The following NCAM1 variants were observed in gnomAD, a reference collection of about 807,000 sequenced individuals.
The protein encoded by NCAM1 is antigen recognized by monoclonal antibody 5.1H11.
NCAM1 carries 14 observed loss-of-function variants against 109.8 expected under a neutral mutation model. That is an observed-to-expected ratio of 0.13 (90% confidence interval 0.08 to 0.20). NCAM1 has a LOEUF of 0.20. Among genes scored for constraint, NCAM1 ranks in the 10% least tolerant of loss-of-function variants. The pLI, the probability that NCAM1 is intolerant of heterozygous loss-of-function variation, is 1.00. For missense variants in NCAM1, 774 were observed against 1,109.9 expected, an observed-to-expected ratio of 0.70 and a Z score of 4.30; for synonymous variants, 418 against 442.9, an observed-to-expected ratio of 0.94 and a Z score of 0.70.
At chr11:113,149,175 G>A (rs1381909351) in intron 1 of NCAM1, among the ~76,000 whole-genome samples, 2 of 152,116 alleles carry the variant, frequency 1.3e-5, no homozygotes, top group East Asian at 1.9e-4. Context: ...TGCTGGACCC[G>A]GGGTGGGGCC....
intron 1 of NCAM1, among the ~76,000 whole-genome samples, chr11:113,130,031 GCC>G (rs1229547374): frequency 2.6e-5 from 4 of 152,106 alleles, no homozygotes; most frequent in African/African-American, 9.7e-5. Flanking sequence ...GTGTCTAAGG[GCC>G]CCCTTTTTGG....
At chr11:113,202,940 C>T (rs1342318975) in intron 2 of NCAM1, among the ~76,000 whole-genome samples, 3 of 152,144 alleles carry the variant, frequency 2.0e-5, no homozygotes, top group African/African-American at 7.2e-5. Context: ...GACATATATC[C>T]TGGGTTTACC....
At chr11:112,964,155 GTT>G (rs59178181) in intron 1 of NCAM1, among the ~76,000 whole-genome samples, 1 of 107,466 alleles carries the variant, frequency 9.3e-6, no homozygotes, top group Non-Finnish European at 1.7e-5. Flanking sequence ...TTTTTTTTTT[GTT>G]TTTTTTTTGG....
intron 1 of NCAM1, among the ~76,000 whole-genome samples, chr11:112,980,648 T>C (rs1951129250): frequency 6.6e-6 from 1 of 151,766 alleles, no homozygotes; most frequent in African/African-American, 2.4e-5. Context: ...AGGGTACAGG[T>C]GGTTTTTTGT....
At chr11:113,139,499 G>T (rs542829549) in intron 1 of NCAM1, among the ~76,000 whole-genome samples, 1 of 151,990 alleles carries the variant, frequency 6.6e-6, no homozygotes, top group African/African-American at 2.4e-5. Flanking sequence ...CTGTCAAGTT[G>T]CAGGAAACAT....
intron 1 of NCAM1, among the ~76,000 whole-genome samples, chr11:113,037,773 C>T (rs1952940222): frequency 6.6e-6 from 1 of 152,232 alleles, no homozygotes; most frequent in East Asian, 1.9e-4. Context: ...AGATACCATA[C>T]TCTGGTCCTC....
At chr11:112,991,028 C>T (rs782468709) in intron 1 of NCAM1, among the ~76,000 whole-genome samples, 1 of 152,156 alleles carries the variant, frequency 6.6e-6, no homozygotes, top group Non-Finnish European at 1.5e-5. Flanking sequence ...GTTCCACCAT[C>T]TTACCGGTGT....
intron 1 of NCAM1, among the ~76,000 whole-genome samples, chr11:113,158,903 CTG>C (rs1198709177): frequency 2.0e-5 from 3 of 152,184 alleles, no homozygotes; most frequent in African/African-American, 4.8e-5. Flanking sequence ...AGCTTAATAA[CTG>C]TGTTTATCTA....
chr11:113,233,332 T>C lies in NCAM1; in HGVS notation c.1693+15T>C, dbSNP rs563308915. Reference sequence around the variant, plus strand: ...TGCCAAGGAAGGTGAGTTGGGCGAGTTGGTGTTTCCATTGGGATCATGAGT... The same window carrying C: ...TGCCAAGGAAGGTGAGTTGGGCGAGCTGGTGTTTCCATTGGGATCATGAGT... On this transcript the variant is annotated intron_variant, in intron 13 of 19. Coordinates refer to ENST00000316851, the MANE Select transcript of NCAM1 (RefSeq NM_181351.5). The surrounding 1 kb of genome is among the most constrained non-coding windows in gnomAD (Gnocchi z 4.5). The C allele has an allele frequency of 6.2e-7, 1 of 1,608,412 alleles. No individual in the cohort carries two copies. The highest frequency in any genetic ancestry group is 1.1e-5 in the South Asian group (1 of 89,564).
chr11:113,211,148 T>C (rs1452048864), intron 7 of NCAM1, among the ~76,000 whole-genome samples: 1 of 152,216 alleles, frequency 6.6e-6, no homozygotes, highest in Admixed American at 6.5e-5. Context: ...AGGGACCAGC[T>C]GATTAGGGCT....
chr11:113,090,446 G>C (rs1939289516), intron 1 of NCAM1, among the ~76,000 whole-genome samples: 1 of 152,204 alleles, frequency 6.6e-6, no homozygotes, highest in Admixed American at 6.5e-5. Flanking sequence ...GACATAATTT[G>C]TAGTGAAATG....
chr11:112,988,092 G>C (rs1951355738), intron 1 of NCAM1, among the ~76,000 whole-genome samples: 1 of 152,044 alleles, frequency 6.6e-6, no homozygotes, highest in African/African-American at 2.4e-5. Context: ...GGCGTACATA[G>C]AGCATGTTAT....
intron 1 of NCAM1, among the ~76,000 whole-genome samples, chr11:113,048,426 G>A (rs1953346375): frequency 6.6e-6 from 1 of 152,156 alleles, no homozygotes; most frequent in African/African-American, 2.4e-5. Flanking sequence ...GTGCACACTT[G>A]CAGAGATCAC....
Position 113,205,653 on chromosome 11 carries a change from C to G in NCAM1, c.477C>G (p.Ile159Met). 6.2e-7 allele frequency: 1 copy of G among 1,612,170 alleles called. No individual in the cohort carries two copies. The highest frequency in any genetic ancestry group is 8.5e-7 in the Non-Finnish European group (1 of 1,179,340). The change falls in exon 4 of 20, where the codon ATC becomes ATG. Residue 159 changes from isoleucine (I) to methionine (M), a missense_variant. Ile to Met is a conservative substitution (Grantham distance 10). Transcript: ENST00000316851. Reference protein sequence around the residue: ...IIWKHKGRDVILKKDVRFIVL... With the variant: ...IIWKHKGRDVMLKKDVRFIVL... ...GGAAACACAAAGGCCGAGATGTCAT[C>G]CTGAAAAAAGATGGTGAGACCTGAA...
intron 1 of NCAM1, among the ~76,000 whole-genome samples, chr11:113,101,219 C>A (rs1939860330): frequency 6.6e-6 from 1 of 152,112 alleles, no homozygotes; most frequent in Non-Finnish European, 1.5e-5. Flanking sequence ...TCAGTGTATT[C>A]TTTGGTGACC....
intron 1 of NCAM1, among the ~76,000 whole-genome samples, chr11:113,131,217 C>T (rs902312752): frequency 1.3e-5 from 2 of 151,874 alleles, no homozygotes; most frequent in Non-Finnish European, 2.9e-5. Context: ...TGTCTTTTTT[C>T]GAGGTAGGCT....
intron 1 of NCAM1, among the ~76,000 whole-genome samples, chr11:112,977,890 T>C (rs1951048256): frequency 6.6e-6 from 1 of 151,860 alleles, no homozygotes; most frequent in Admixed American, 6.6e-5. Context: ...TCCAATAGTG[T>C]GCCTGAGAAA....
intron 1 of NCAM1, among the ~76,000 whole-genome samples, chr11:113,005,042 T>G (rs1445274202): frequency 6.6e-6 from 1 of 152,168 alleles, no homozygotes; most frequent in Non-Finnish European, 1.5e-5. Flanking sequence ...TTTCTTGATG[T>G]TCTGTCCTCC....
chr11:113,045,799 G>A lies in NCAM1; in HGVS notation c.52+84135G>A, dbSNP rs1036994338. On this transcript the variant is annotated intron_variant, in intron 1 of 19. Coordinates refer to ENST00000316851, the MANE Select transcript of NCAM1 (RefSeq NM_181351.5). ...AGAAATAGGCTTTTCTCTTTGAGGT[G>A]AGTGAAGTGGCTCAACTCAAGGAAA... Among the ~76,000 whole-genome samples, 7 of 151,600 alleles carry A rather than the reference G, an allele frequency of 4.6e-5. No homozygotes were observed. In the East Asian group the frequency reaches 1.3e-3, roughly 29 times the overall value.
Sources: allele counts gnomAD v4.1 joint callset (sites outside exome capture counted in the v4.1 genomes callset), GRCh38; gene constraint gnomAD v4.1.1; non-coding constraint Gnocchi (gnomAD v3.1); transcripts MANE v1.5; gene names NCBI Gene and HGNC (gene_info 2026-07-23, HGNC 2026-07-21).